CDKN2B-AS1: variants seen among roughly 807,000 people sequenced by gnomAD.
CDKN2B-AS1 encodes CDKN2B and CDKN2A antisense cis and trans regulatory RNA 1, also known as CDKN2B antisense RNA 1 (non-protein coding).
chr9:22,118,416 A>G (rs990213972), intron 4 of CDKN2B-AS1: 1 of 152,080 alleles, frequency 6.6e-6, no homozygotes, highest in African/African-American at 2.4e-5. Flanking sequence ...AATGGGTGTC[A>G]CTTAGTCTGA....
At chr9:22,089,901 T>C (rs1055216846) in intron 4 of CDKN2B-AS1, among the ~76,000 whole-genome samples, 17 of 152,142 alleles carry the variant, frequency 1.1e-4, no homozygotes, top group Non-Finnish European at 2.1e-4. Flanking sequence ...TATGTATACA[T>C]GTGCCATGTT....
chr9:22,022,651 G>T, intron 1 of CDKN2B-AS1, among the ~76,000 whole-genome samples: 1 of 151,906 alleles, frequency 6.6e-6, no homozygotes, highest in South Asian at 2.1e-4. Flanking sequence ...TACATTTAAG[G>T]TTATGATCCT....
Position 22,082,102 on chromosome 9 carries a change from T to A in CDKN2B-AS1, n.438+25715T>A, listed in dbSNP as rs144988773. 1.8e-3 allele frequency among the ~76,000 whole-genome samples: 267 copies of A among 152,322 alleles called. 1 individual carries two copies. The highest frequency in any genetic ancestry group is 6.2e-3 in the African/African-American group (257 of 41,572). On this transcript the variant is annotated intron_variant and non_coding_transcript_variant, in intron 4 of 4. Transcript: ENST00000650946. ...CTCTTTAAACTGGTCCCCAGTTCACTTGTTTTCCCTAACATTTTAATTCAC... is the reference window on the plus strand; with the variant it reads ...CTCTTTAAACTGGTCCCCAGTTCACATGTTTTCCCTAACATTTTAATTCAC...
intron 1 of CDKN2B-AS1, among the ~76,000 whole-genome samples, chr9:22,019,055 T>C (rs760582775): frequency 6.6e-6 from 1 of 152,160 alleles, no homozygotes; most frequent in Non-Finnish European, 1.5e-5. Context: ...AGAAACTGCA[T>C]GTGGCAAGCT....
At chr9:22,036,803 T>C (rs184974424) in intron 1 of CDKN2B-AS1, among the ~76,000 whole-genome samples, 202 of 152,204 alleles carry the variant, frequency 1.3e-3, no homozygotes, top group Non-Finnish European at 6.3e-4. Context: ...CATATCTACT[T>C]TGTGCCTCTT....
At chr9:22,103,274 A>G (rs1331217078) in intron 4 of CDKN2B-AS1, among the ~76,000 whole-genome samples, 4 of 151,918 alleles carry the variant, frequency 2.6e-5, no homozygotes, top group Admixed American at 1.3e-4. Flanking sequence ...ATCACCACTG[A>G]TATATAGCTG....
chr9:22,105,676 G>A (rs1057150748), intron 4 of CDKN2B-AS1, among the ~76,000 whole-genome samples: 2 of 152,180 alleles, frequency 1.3e-5, no homozygotes, highest in Non-Finnish European at 2.9e-5. Context: ...ATAAGAGCCT[G>A]TCCAGGTTCA....
chr9:22,062,774 A>G (rs895913037), intron 4 of CDKN2B-AS1, among the ~76,000 whole-genome samples: 3 of 151,574 alleles, frequency 2.0e-5, no homozygotes, highest in Admixed American at 1.3e-4. Context: ...AACCTTTCTC[A>G]GCTTTAGTTT....
chr9:22,052,506 T>G (rs1435219302), intron 3 of CDKN2B-AS1, among the ~76,000 whole-genome samples: 2 of 152,196 alleles, frequency 1.3e-5, no homozygotes, highest in Non-Finnish European at 2.9e-5. Flanking sequence ...CATTGAGAAT[T>G]TCCTGTGGCT....
chr9:21,998,190 C>G (rs1333333054), intron 1 of CDKN2B-AS1, among the ~76,000 whole-genome samples: 1 of 152,134 alleles, frequency 6.6e-6, no homozygotes, highest in East Asian at 1.9e-4. Flanking sequence ...TTAGTCTCAG[C>G]AAAATACAAT....
At chr9:22,009,515 T>A (rs991440289) in intron 1 of CDKN2B-AS1, among the ~76,000 whole-genome samples, 2 of 152,268 alleles carry the variant, frequency 1.3e-5, no homozygotes, top group African/African-American at 4.8e-5. Context: ...CTGGCTGCAC[T>A]GCTCGCTGGA....
chr9:22,076,783 C>T (rs1216702803), intron 4 of CDKN2B-AS1, among the ~76,000 whole-genome samples: 1 of 152,218 alleles, frequency 6.6e-6, no homozygotes, highest in Non-Finnish European at 1.5e-5. Flanking sequence ...ACCTCCACCT[C>T]CCAGGCTCAA....
chr9:22,016,712 G>T (rs201226788), intron 1 of CDKN2B-AS1, among the ~76,000 whole-genome samples: 10 of 152,246 alleles, frequency 6.6e-5, no homozygotes, highest in African/African-American at 1.2e-4. Flanking sequence ...ATTCCCTATT[G>T]AATAAATGGT....
intron 4 of CDKN2B-AS1, among the ~76,000 whole-genome samples, chr9:22,102,384 A>T (rs1452735132): frequency 6.6e-6 from 1 of 152,216 alleles, no homozygotes; most frequent in East Asian, 1.9e-4. Flanking sequence ...CATAACTATC[A>T]CAAACTTGAT....
At chr9:22,023,313 T>C (rs1024526333) in intron 1 of CDKN2B-AS1, among the ~76,000 whole-genome samples, 4 of 152,202 alleles carry the variant, frequency 2.6e-5, no homozygotes, top group African/African-American at 9.6e-5. Flanking sequence ...GGAGGTTTTG[T>C]TTATTCATTT....
At chr9:22,003,761 A>T (rs1022567923) in intron 1 of CDKN2B-AS1, 7 of 232,016 alleles carry the variant, frequency 3.0e-5, no homozygotes, top group African/African-American at 1.3e-4. Flanking sequence ...GGGGGGGGTT[A>T]TTCTCCATAT....
chr9:22,010,236 CT>C (rs947727193), intron 1 of CDKN2B-AS1, among the ~76,000 whole-genome samples: 3 of 152,246 alleles, frequency 2.0e-5, no homozygotes, highest in Middle Eastern at 3.4e-3. Flanking sequence ...ATGCCAAGTG[CT>C]TTTTTTCCCC....
At chr9:22,082,854 A>G (rs941385308) in intron 4 of CDKN2B-AS1, among the ~76,000 whole-genome samples, 2 of 152,184 alleles carry the variant, frequency 1.3e-5, no homozygotes, top group Admixed American at 6.5e-5. Context: ...CCATATAATC[A>G]GGTGTAAGCC....
chr9:22,119,265 G>A (rs1000371479), intron 4 of CDKN2B-AS1: 9 of 152,194 alleles, frequency 5.9e-5, no homozygotes, highest in African/African-American at 2.2e-4. Flanking sequence ...ATGTAATTAT[G>A]ATTTTGCTTA....
Sources: allele counts gnomAD v4.1 joint callset (sites outside exome capture counted in the v4.1 genomes callset), GRCh38; gene constraint gnomAD v4.1.1; transcripts MANE v1.5; gene names NCBI Gene and HGNC (gene_info 2026-07-23, HGNC 2026-07-21).